The following RBFOX1 variants were observed in gnomAD, a reference collection of about 807,000 sequenced individuals.
RBFOX1 encodes RNA binding fox-1 homolog 1, also known as RNA binding protein fox-1 homolog 1.
RBFOX1 carries 8 observed loss-of-function variants against 57.7 expected under a neutral mutation model. The ratio of observed to expected loss-of-function variants is 0.14; its 90% CI spans 0.08 to 0.25. RBFOX1 has a LOEUF of 0.25. Ranked by LOEUF, RBFOX1 falls within the 10% of genes least tolerant of loss-of-function variation. The probability of loss-of-function intolerance (pLI) is 1.00; values close to 1 mark genes in which losing one functional copy is unlikely to be tolerated. For synonymous variants in RBFOX1, 326 were observed against 222.4 expected, an observed-to-expected ratio of 1.47 and a Z score of -4.15; for missense variants, 611 against 548.5, an observed-to-expected ratio of 1.11 and a Z score of -1.14.
intron 3 of RBFOX1, among the ~76,000 whole-genome samples, chr16:6,958,010 A>G (rs1052687318): frequency 6.6e-6 from 1 of 152,044 alleles, no homozygotes; most frequent in Non-Finnish European, 1.5e-5. Flanking sequence ...GGAAGGGACT[A>G]CTCAGGGGTG....
intron 4 of RBFOX1, among the ~76,000 whole-genome samples, chr16:7,391,177 G>C (rs2098009971): frequency 6.6e-6 from 1 of 152,096 alleles, no homozygotes; most frequent in South Asian, 2.1e-4. Flanking sequence ...ACTGCCCCCT[G>C]CACGTGACTG....
chr16:7,522,337 C>CT (rs973967267), intron 5 of RBFOX1, among the ~76,000 whole-genome samples: 11 of 152,280 alleles, frequency 7.2e-5, no homozygotes, highest in African/African-American at 2.6e-4. Flanking sequence ...GGAAGAGGAA[C>CT]TATTGAGTAA....
intron 3 of RBFOX1, among the ~76,000 whole-genome samples, chr16:5,754,622 G>T (rs1440827210): frequency 4.0e-5 from 5 of 124,670 alleles, no homozygotes; most frequent in Non-Finnish European, 8.3e-5. Flanking sequence ...GACAATTGTG[G>T]GGAGAGGGTC....
intron 2 of RBFOX1, among the ~76,000 whole-genome samples, chr16:6,368,651 A>T (rs1259896118): frequency 6.6e-6 from 1 of 152,110 alleles, no homozygotes; most frequent in East Asian, 1.9e-4. Flanking sequence ...CTATTTTACC[A>T]CTTTGGGCAT....
intron 2 of RBFOX1, among the ~76,000 whole-genome samples, chr16:6,621,129 G>T (rs1441813438): frequency 1.3e-5 from 2 of 152,172 alleles, no homozygotes; most frequent in African/African-American, 4.8e-5. Context: ...TTGTCTGGGT[G>T]TCTCTGTATT....
chr16:6,994,945 T>TTGTGTGTGTGTGTGTGTGTGTG (rs145095044), intron 3 of RBFOX1, among the ~76,000 whole-genome samples: 1 of 147,994 alleles, frequency 6.8e-6, no homozygotes, highest in African/African-American at 2.5e-5. Context: ...TTGCATTATT[T>TTGTGTGTGTGTGTGTGTGTGTG]TGTGTGTGTG....
rs538564674 is a variant in RBFOX1, at chr16:7,211,948, A to G, written c.27+159850A>G. Among the ~76,000 whole-genome samples the G allele has an allele frequency of 5.3e-5, 8 of 151,692 alleles. 1 individual carries two copies. In the South Asian group the frequency reaches 1.7e-3, roughly 32 times the overall value. On this transcript the variant is annotated intron_variant, in intron 4 of 15. Coordinates refer to ENST00000550418, the MANE Select transcript of RBFOX1 (RefSeq NM_018723.4). ...GCGCCGTAAATTGCCTTTTCCTCTC[A>G]CCCCTACTCCCTCCTACCCACCCCT...
chr16:5,604,881 C>T (rs2047512019), downstream of RBFOX1, among the ~76,000 whole-genome samples: 2 of 152,182 alleles, frequency 1.3e-5, no homozygotes, highest in South Asian at 4.1e-4. Flanking sequence ...CTGCCCATGT[C>T]ACCTCTGTAG....
intron 1 of RBFOX1, among the ~76,000 whole-genome samples, chr16:6,304,737 T>C (rs2079250455): frequency 6.6e-6 from 1 of 151,682 alleles, no homozygotes; most frequent in African/African-American, 2.4e-5. Context: ...ATACAAAAAC[T>C]AGCCAGGTGC....
intron 1 of RBFOX1, among the ~76,000 whole-genome samples, chr16:5,300,824 TGTC>T (rs1338406614): frequency 9.9e-5 from 15 of 152,186 alleles, no homozygotes; most frequent in Non-Finnish European, 1.3e-4. Flanking sequence ...AAAAGTAAAA[TGTC>T]GTTCATTTTG....
At chr16:6,697,506 A>G (rs566862757) in intron 3 of RBFOX1, among the ~76,000 whole-genome samples, 1 of 152,308 alleles carries the variant, frequency 6.6e-6, no homozygotes, top group South Asian at 2.1e-4. Flanking sequence ...AGAATCTAAT[A>G]TCTCCTTATA....
intron 4 of RBFOX1, among the ~76,000 whole-genome samples, chr16:7,289,103 G>T (rs1024533015): frequency 3.3e-5 from 5 of 152,174 alleles, no homozygotes; most frequent in Admixed American, 6.5e-5. Flanking sequence ...GCCAGATCCT[G>T]CCTGCTGTAT....
chr16:6,687,701 A>G (rs17140919), intron 3 of RBFOX1, among the ~76,000 whole-genome samples: 1 of 152,080 alleles, frequency 6.6e-6, no homozygotes, highest in Non-Finnish European at 1.5e-5. Flanking sequence ...TGGTTTTTCA[A>G]AGTTGCAGCG....
At chr16:6,523,337 G>C (rs886667290) in intron 2 of RBFOX1, among the ~76,000 whole-genome samples, 1 of 152,142 alleles carries the variant, frequency 6.6e-6, no homozygotes, top group African/African-American at 2.4e-5. Context: ...GGACGACAGA[G>C]GTGTTTAGAT....
intron 4 of RBFOX1, among the ~76,000 whole-genome samples, chr16:7,449,104 T>A (rs566202341): frequency 6.6e-6 from 1 of 152,004 alleles, no homozygotes; most frequent in Non-Finnish European, 1.5e-5. Flanking sequence ...TAACTTTGTA[T>A]TTTTAGTAGA....
intron 4 of RBFOX1, among the ~76,000 whole-genome samples, chr16:5,887,953 A>G (rs1227958231): frequency 6.6e-6 from 1 of 152,178 alleles, no homozygotes; most frequent in African/African-American, 2.4e-5. Flanking sequence ...CCACACACAC[A>G]CATCAAAACT....
At chr16:7,435,044 A>T (rs1172809637) in intron 4 of RBFOX1, among the ~76,000 whole-genome samples, 2 of 152,170 alleles carry the variant, frequency 1.3e-5, no homozygotes, top group Non-Finnish European at 2.9e-5. Context: ...TATTTTACAT[A>T]TGGTACGTTT....
At chr16:7,545,349 C>T (rs549075730) in intron 5 of RBFOX1, among the ~76,000 whole-genome samples, 1 of 151,998 alleles carries the variant, frequency 6.6e-6, no homozygotes, top group Non-Finnish European at 1.5e-5. Flanking sequence ...GTTTGCAATC[C>T]TCTTGGCCCC....
chr16:6,851,976 A>G, intron 3 of RBFOX1, among the ~76,000 whole-genome samples: 1 of 146,032 alleles, frequency 6.8e-6, no homozygotes, highest in East Asian at 2.0e-4. Flanking sequence ...CCCAGGCTGG[A>G]GTCCAGTGGT....
Sources: allele counts gnomAD v4.1 joint callset (sites outside exome capture counted in the v4.1 genomes callset), GRCh38; gene constraint gnomAD v4.1.1; transcripts MANE v1.5; gene names NCBI Gene and HGNC (gene_info 2026-07-23, HGNC 2026-07-21).